SYNPR: variants seen among roughly 807,000 people sequenced by gnomAD.
The protein encoded by SYNPR is synaptoporin.
In SYNPR, 23 loss-of-function variants were observed where a neutral mutation model predicts 32.9. That is an observed-to-expected ratio of 0.70 (90% CI 0.50 to 0.99). The LOEUF (loss-of-function observed/expected upper bound fraction) is 0.99, where lower values mean the gene tolerates loss of function less well. Among genes scored for constraint, SYNPR ranks in the 50% least tolerant of loss-of-function variants. The probability of loss-of-function intolerance (pLI) is 0.00; values close to 1 mark genes in which losing one functional copy is unlikely to be tolerated. For synonymous variants in SYNPR, 146 were observed against 135.9 expected, an observed-to-expected ratio of 1.07 and a Z score of -0.52; for missense variants, 318 against 349.3, an observed-to-expected ratio of 0.91 and a Z score of 0.71.
At chr3:63,610,289 A>T (rs1700181510) in intron 5 of SYNPR, among the ~76,000 whole-genome samples, 1 of 152,226 alleles carries the variant, frequency 6.6e-6, no homozygotes. Flanking sequence ...TTAATTTATA[A>T]GTGTAAGAAT....
At chr3:63,348,782 G>A (rs1271842872) in intron 2 of SYNPR, among the ~76,000 whole-genome samples, 1 of 152,152 alleles carries the variant, frequency 6.6e-6, no homozygotes, top group Non-Finnish European at 1.5e-5. Context: ...TTATTGAAAA[G>A]GACATTCTTT....
chr3:63,575,754 G>A (rs943018833), intron 4 of SYNPR, among the ~76,000 whole-genome samples: 4 of 152,130 alleles, frequency 2.6e-5, no homozygotes, highest in African/African-American at 4.8e-5. Context: ...GTTAGGGGTC[G>A]GAAACAAAGA....
intron 3 of SYNPR, among the ~76,000 whole-genome samples, chr3:63,556,276 G>T (rs879412452): frequency 5.9e-5 from 9 of 152,178 alleles, no homozygotes; most frequent in Admixed American, 2.6e-4. Context: ...AATTTATCAT[G>T]ATTTCAGGTT....
At chr3:63,379,399 A>G (rs542241998) in intron 2 of SYNPR, among the ~76,000 whole-genome samples, 9 of 152,214 alleles carry the variant, frequency 5.9e-5, no homozygotes, top group African/African-American at 1.2e-4. Context: ...TGTTTCATCA[A>G]TTATTGGAAG....
chr3:63,449,115 G>A (rs1700334323), intron 2 of SYNPR, among the ~76,000 whole-genome samples: 1 of 152,132 alleles, frequency 6.6e-6, no homozygotes, highest in Admixed American at 6.5e-5. Context: ...GGAAAGAAGG[G>A]AAAAAAGCTT....
chr3:63,395,295 T>G (rs1330792786), intron 2 of SYNPR, among the ~76,000 whole-genome samples: 1 of 152,190 alleles, frequency 6.6e-6, no homozygotes, highest in African/African-American at 2.4e-5. Context: ...TTATAAGAAA[T>G]CTTGAGAAGT....
At chr3:63,207,509 G>A in the SYNPR span, among the ~76,000 whole-genome samples, 1 of 152,106 alleles carries the variant, frequency 6.6e-6, no homozygotes, top group Non-Finnish European at 1.5e-5. Flanking sequence ...GTATTCATGA[G>A]TACATTTTAT....
chr3:63,608,650 T>C (rs1700156865), intron 4 of SYNPR, among the ~76,000 whole-genome samples: 1 of 152,188 alleles, frequency 6.6e-6, no homozygotes, highest in African/African-American at 2.4e-5. Context: ...CTTAAACCAT[T>C]AGCAGATCTG....
rs868191316 is a variant in SYNPR, at chr3:63,339,919, A to C, written c.84+61177A>C. ...TGATCTGCCCGCCTCGGCCTCCCAA[A>C]GTGCTGGAATTAGAGGCGTGAGCCA... On this transcript the variant is annotated intron_variant, in intron 2 of 5. Coordinates refer to ENST00000478300, the MANE Select transcript of SYNPR (RefSeq NM_001130003.2). 2.6e-5 allele frequency among the ~76,000 whole-genome samples: 4 copies of C among 152,158 alleles called. No individual in the cohort carries two copies. In the South Asian group the frequency reaches 8.3e-4, roughly 31 times the overall value.
At chr3:63,395,716 T>C (rs1232629713) in intron 2 of SYNPR, among the ~76,000 whole-genome samples, 3 of 152,178 alleles carry the variant, frequency 2.0e-5, no homozygotes, top group Non-Finnish European at 1.5e-5. Flanking sequence ...ATGCCAAGTA[T>C]TGTACGTATA....
intron 3 of SYNPR, among the ~76,000 whole-genome samples, chr3:63,524,416 G>A (rs1037289479): frequency 2.0e-5 from 3 of 152,144 alleles, no homozygotes; most frequent in African/African-American, 7.2e-5. Context: ...TTTCAGGATG[G>A]CTACGAAGGA....
chr3:63,556,619 T>G lies in SYNPR; in HGVS notation c.286T>G (p.Ser96Ala), dbSNP rs1335888092. Residue 96 changes from serine (S) to alanine (A), a missense_variant, in exon 4 of 6, where the codon TCG becomes GCG. Ser to Ala is a moderately conservative substitution (Grantham distance 99). Coordinates refer to ENST00000478300, the MANE Select transcript of SYNPR (RefSeq NM_001130003.2). ...RQKLALIGDS[S>A]SSAEFFVTVA... ...GAAGCTGGCATTGATTGGTGACTCC[T>G]CGTCTTCAGCAGAGTTCTTCGTCAC... is the stretch of plus-strand genomic sequence containing the variant. 1 of 1,613,868 alleles carries G rather than the reference T, an allele frequency of 6.2e-7. No individual in the cohort carries two copies. The highest frequency in any genetic ancestry group is 1.1e-5 in the South Asian group (1 of 91,056).
intron 3 of SYNPR, among the ~76,000 whole-genome samples, chr3:63,482,834 T>C (rs1701074209): frequency 6.6e-6 from 1 of 152,202 alleles, no homozygotes; most frequent in Admixed American, 6.5e-5. Flanking sequence ...TCATAACCTG[T>C]ACCATTATGG....
At chr3:63,366,019 C>T (rs1477503435) in intron 2 of SYNPR, among the ~76,000 whole-genome samples, 1 of 152,178 alleles carries the variant, frequency 6.6e-6, no homozygotes, top group Non-Finnish European at 1.5e-5. Flanking sequence ...TTAAATAATA[C>T]TGAACACTGC....
intron 4 of SYNPR, among the ~76,000 whole-genome samples, chr3:63,559,191 C>T (rs755630697): frequency 5.3e-5 from 8 of 151,786 alleles, no homozygotes; most frequent in Non-Finnish European, 1.2e-4. Context: ...CCTCAGCCCC[C>T]CAAGCTCCCA....
At chr3:63,613,293 T>C (rs1052014649) in intron 5 of SYNPR, among the ~76,000 whole-genome samples, 1 of 152,090 alleles carries the variant, frequency 6.6e-6, no homozygotes. Flanking sequence ...CTGGTTACCA[T>C]GCACATGGTA....
At chr3:63,363,414 T>C (rs1575610948) in intron 2 of SYNPR, among the ~76,000 whole-genome samples, 1 of 152,248 alleles carries the variant, frequency 6.6e-6, no homozygotes, top group African/African-American at 2.4e-5. Flanking sequence ...AGAAGAATTG[T>C]CTCTGAGAGC....
At chr3:63,230,070 T>G (rs879595973) in intron 1 of SYNPR, among the ~76,000 whole-genome samples, 1 of 152,140 alleles carries the variant, frequency 6.6e-6, no homozygotes. Flanking sequence ...AGTAGAAATT[T>G]TAATGTTTTT....
At chr3:63,353,561 G>A (rs767350394) in intron 2 of SYNPR, among the ~76,000 whole-genome samples, 4 of 152,176 alleles carry the variant, frequency 2.6e-5, no homozygotes, top group South Asian at 2.1e-4. Context: ...TAGTTGAATC[G>A]TGATGTGGAC....
Sources: gnomAD v4.1 joint callset for allele counts (sites outside exome capture counted in the v4.1 genomes callset) on GRCh38, gnomAD v4.1.1 for gene constraint, MANE v1.5 for transcripts, NCBI Gene and HGNC (gene_info 2026-07-23, HGNC 2026-07-21) for gene names.